UNC13C: variants seen among roughly 807,000 people sequenced by gnomAD.
UNC13C encodes unc-13 homolog C.
Under a neutral mutation model 245.4 loss-of-function variants are expected in UNC13C, and 174 were observed. The ratio of observed to expected loss-of-function variants is 0.71; its 90% confidence interval spans 0.63 to 0.80. The LOEUF is 0.80. Among genes scored for constraint, UNC13C ranks in the 30% least tolerant of loss-of-function variants. UNC13C has a pLI of 0.00. For synonymous variants in UNC13C, 992 were observed against 895.1 expected, an observed-to-expected ratio of 1.11 and a Z score of -1.93; for missense variants, 2,829 against 2,602.9, an observed-to-expected ratio of 1.09 and a Z score of -1.89.
intron 25 of UNC13C, among the ~76,000 whole-genome samples, chr15:54,529,099 G>A (rs1317391035): frequency 6.6e-6 from 1 of 152,204 alleles, no homozygotes; most frequent in East Asian, 1.9e-4. Context: ...GGGGCCAGCT[G>A]AGATGCAAGG....
At chr15:53,968,675 G>C in the UNC13C span, among the ~76,000 whole-genome samples, 2 of 152,250 alleles carry the variant, frequency 1.3e-5, no homozygotes, top group African/African-American at 4.8e-5. Context: ...ATAGGAGTCA[G>C]CCTTCCTTTT....
intron 13 of UNC13C, among the ~76,000 whole-genome samples, chr15:54,308,465 CT>C (rs1338535447): frequency 6.6e-6 from 1 of 151,704 alleles, no homozygotes; most frequent in Non-Finnish European, 1.5e-5. Context: ...CTAAATCTAG[CT>C]AATGAACATA....
chr15:54,439,189 A>G (rs186247071), intron 19 of UNC13C, among the ~76,000 whole-genome samples: 3 of 152,152 alleles, frequency 2.0e-5, no homozygotes, highest in Admixed American at 6.6e-5. Context: ...AGTTTGAAAT[A>G]CAAAACACTT....
chr15:54,488,386 A>T (rs949734524), intron 19 of UNC13C, among the ~76,000 whole-genome samples: 5 of 152,212 alleles, frequency 3.3e-5, no homozygotes, highest in Admixed American at 2.6e-4. Flanking sequence ...CAGTCTGCCA[A>T]ACATGGAGAG....
chr15:54,045,323 T>A (rs543628101), intron 2 of UNC13C, among the ~76,000 whole-genome samples: 3 of 152,366 alleles, frequency 2.0e-5, no homozygotes, highest in African/African-American at 7.2e-5. Context: ...CTGTTCCCCA[T>A]TGAATTTGTT....
chr15:53,910,112 T>G, the UNC13C span, among the ~76,000 whole-genome samples: 88 of 142,244 alleles, frequency 6.2e-4, 5 homozygotes, highest in African/African-American at 2.1e-3. Context: ...CTGCTTGAAT[T>G]AAAAACTTTT....
chr15:54,185,352 A>G (rs1378959512), intron 4 of UNC13C, among the ~76,000 whole-genome samples: 1 of 151,842 alleles, frequency 6.6e-6, no homozygotes, highest in African/African-American at 2.4e-5. Context: ...GCCCATGCCT[A>G]TGTCCTGAAT....
chr15:54,517,854 C>T (rs997271803), intron 24 of UNC13C, among the ~76,000 whole-genome samples: 2 of 152,138 alleles, frequency 1.3e-5, no homozygotes, highest in Admixed American at 6.5e-5. Flanking sequence ...GTGAAGATAT[C>T]CTTCAGATGA....
At chr15:54,621,368 C>A (rs1190951817) in intron 30 of UNC13C, among the ~76,000 whole-genome samples, 3 of 151,990 alleles carry the variant, frequency 2.0e-5, no homozygotes, top group Admixed American at 1.3e-4. Flanking sequence ...CATAATAATT[C>A]ATTATAGTTT....
chr15:54,527,695 C>T (rs1251615105), intron 25 of UNC13C, among the ~76,000 whole-genome samples: 2 of 152,092 alleles, frequency 1.3e-5, no homozygotes, highest in African/African-American at 4.8e-5. Flanking sequence ...CTATTTTAGC[C>T]TAAACAGTAA....
Position 54,042,795 on chromosome 15 carries a change from G to C in UNC13C, c.2983+26909G>C, listed in dbSNP as rs555425234. Among the ~76,000 whole-genome samples the C allele has an allele frequency of 6.6e-5, 10 of 152,278 alleles. No homozygotes were observed. The South Asian group carries it at 2.1e-3, about 32-fold the overall frequency. On this transcript the variant is annotated intron_variant, in intron 2 of 32. Transcript: ENST00000260323. ...GTGAACCCGGGAGGTGGAACTTGCA[G>C]TGAGCCGAGATCGTGCCACTGCACT...
intron 9 of UNC13C, 92 bp downstream of exon 9, chr15:54,264,487 A>T: frequency 9.7e-7 from 1 of 1,027,360 alleles, no homozygotes; most frequent in Non-Finnish European, 1.4e-6. Context: ...AGGTAAAATA[A>T]ATGGTTATTT....
the UNC13C span, among the ~76,000 whole-genome samples, chr15:53,901,653 CTCTG>C: frequency 6.6e-6 from 1 of 152,088 alleles, no homozygotes. Flanking sequence ...TGTATATAAA[CTCTG>C]TCTTTATTGT....
intron 14 of UNC13C, among the ~76,000 whole-genome samples, chr15:54,325,221 A>T (rs2038265748): frequency 6.6e-6 from 1 of 151,948 alleles, no homozygotes; most frequent in African/African-American, 2.4e-5. Context: ...TATGCTAAAA[A>T]ACTCTATATG....
rs372623344 is a variant in UNC13C at position 54,186,836 on chromosome 15, A to AATATATATAT, written c.3071+43160_3071+43161insATATATATAT. Among the ~76,000 whole-genome samples the AATATATATAT allele has an allele frequency of 2.4e-3, 297 of 126,168 alleles. 11 individuals are homozygous for AATATATATAT. The highest frequency in any genetic ancestry group is 0.011 in the Middle Eastern group (3 of 276). 82.8% of individuals were successfully genotyped at this position (126,168 alleles called of 152,430 possible). Reference sequence around the variant, plus strand: ...GTCCACTGACACATACAAAGAACATAATATATATGTATATATATATTTTGT... The same window carrying AATATATATAT: ...GTCCACTGACACATACAAAGAACATAATATATATATATATATATGTATATATATATTTTGT... On this transcript the variant is annotated intron_variant, in intron 4 of 32. Transcript: ENST00000260323.
intron 25 of UNC13C, among the ~76,000 whole-genome samples, chr15:54,529,863 C>A (rs1199494804): frequency 6.6e-6 from 1 of 151,924 alleles, no homozygotes; most frequent in African/African-American, 2.4e-5. Context: ...TCTTGCCTGC[C>A]CACACATTTG....
intron 17 of UNC13C, among the ~76,000 whole-genome samples, chr15:54,353,710 T>C (rs1000710652): frequency 6.6e-6 from 1 of 152,230 alleles, no homozygotes; most frequent in African/African-American, 2.4e-5. Context: ...TCTAAATGTC[T>C]AATTGCTATT....
At chr15:54,083,184 C>T (rs553909047) in intron 2 of UNC13C, among the ~76,000 whole-genome samples, 166 of 152,216 alleles carry the variant, frequency 1.1e-3, no homozygotes, top group African/African-American at 3.9e-3. Context: ...CCTGAGCAGC[C>T]AGGAACACGA....
rs138638464 is a variant in UNC13C at position 54,019,932 on chromosome 15, G to A, written c.2983+4046G>A. On this transcript the variant is annotated intron_variant, in intron 2 of 32. Transcript: ENST00000260323. ...ACTTGGTGGTCCTACAACGGGGCCAGGCATATGCCTTTAAATTACACGAGT... is the reference window on the plus strand; with the variant it reads ...ACTTGGTGGTCCTACAACGGGGCCAAGCATATGCCTTTAAATTACACGAGT... Among the ~76,000 whole-genome samples the A allele has an allele frequency of 5.9e-3, 901 of 152,274 alleles. 12 individuals carry two copies. Among genetic ancestry groups the A allele is most frequent in the African/African-American group, 0.021 (856 of 41,550 alleles).
Sources: allele counts gnomAD v4.1 joint callset (sites outside exome capture counted in the v4.1 genomes callset), GRCh38; gene constraint gnomAD v4.1.1; transcripts MANE v1.5; gene names NCBI Gene and HGNC (gene_info 2026-07-23, HGNC 2026-07-21).